Variants in DIAPH3 observed in about 807,000 individuals in gnomAD.
The protein encoded by DIAPH3 is diaphanous related formin 3, also known as protein diaphanous homolog 3.
A neutral mutation model predicts 144.3 loss-of-function variants in DIAPH3; 117 were observed. The ratio of observed to expected loss-of-function variants is 0.81; its 90% confidence interval spans 0.70 to 0.95. DIAPH3 has a LOEUF of 0.95. Ranked by LOEUF, DIAPH3 falls within the 40% of genes least tolerant of loss-of-function variation. The pLI is 0.00. For missense variants in DIAPH3, 1,421 were observed against 1,412.7 expected, an observed-to-expected ratio of 1.01 and a Z score of -0.09; for synonymous variants, 519 against 488.9, an observed-to-expected ratio of 1.06 and a Z score of -0.81.
At chr13:60,096,638 A>T (rs886880865) in intron 3 of DIAPH3, among the ~76,000 whole-genome samples, 8 of 152,220 alleles carry the variant, frequency 5.3e-5, no homozygotes, top group African/African-American at 1.9e-4. Context: ...GGCACCATCT[A>T]ATCAGCTGAA....
intron 27 of DIAPH3, among the ~76,000 whole-genome samples, chr13:59,744,135 T>G (rs897304122): frequency 6.6e-6 from 1 of 152,210 alleles, no homozygotes; most frequent in Non-Finnish European, 1.5e-5. Flanking sequence ...ATTTTCTGCA[T>G]GTATATAACT....
chr13:59,890,680 A>G (rs545859349), intron 20 of DIAPH3, among the ~76,000 whole-genome samples: 6 of 151,908 alleles, frequency 3.9e-5, no homozygotes, highest in African/African-American at 1.4e-4. Flanking sequence ...CTCCACATAT[A>G]TACATATATG....
At chr13:59,825,059 T>C (rs2041306437) in intron 24 of DIAPH3, among the ~76,000 whole-genome samples, 1 of 152,010 alleles carries the variant, frequency 6.6e-6, no homozygotes, top group Non-Finnish European at 1.5e-5. Context: ...TATTATACTT[T>C]AAGTTTTAGG....
rs1481816065 is a variant in DIAPH3, at chr13:59,810,888, T to G, written c.3063A>C (p.Ala1021=). The G allele has an allele frequency of 6.2e-7, 1 of 1,607,262 alleles. No individual in the cohort carries two copies. The highest frequency in any genetic ancestry group is 1.7e-5 in the Admixed American group (1 of 58,828). ...AIKENIKKRE[A]EEKEKRVRIA... ...TTCTGACACGTTTTTCTTTTTCCTCTGCTTCTCTTTTTTTGATATTCTCCT... is the reference window on the plus strand; with the variant it reads ...TTCTGACACGTTTTTCTTTTTCCTCGGCTTCTCTTTTTTTGATATTCTCCT... The change falls in exon 25 of 28, where the codon GCA becomes GCC. Residue 1021 remains alanine (A), a synonymous_variant. Transcript: ENST00000400324.
intron 17 of DIAPH3, among the ~76,000 whole-genome samples, chr13:59,925,093 G>A (rs1256678615): frequency 6.6e-6 from 1 of 152,018 alleles, no homozygotes; most frequent in East Asian, 1.9e-4. Flanking sequence ...ATATTTGAAG[G>A]TCTAACAGGA....
chr13:59,996,708 T>C (rs2052214134), intron 9 of DIAPH3, among the ~76,000 whole-genome samples: 1 of 151,922 alleles, frequency 6.6e-6, no homozygotes, highest in South Asian at 2.1e-4. Flanking sequence ...AAGCTGTAAA[T>C]AGAAATCTCA....
At chr13:59,865,094 T>A (rs2043838404) in intron 21 of DIAPH3, among the ~76,000 whole-genome samples, 1 of 151,898 alleles carries the variant, frequency 6.6e-6, no homozygotes, top group South Asian at 2.1e-4. Context: ...TCTAGAAAAA[T>A]TTCACAATGC....
chr13:60,119,532 G>T (rs894832293), intron 2 of DIAPH3, among the ~76,000 whole-genome samples: 1 of 151,818 alleles, frequency 6.6e-6, no homozygotes, highest in Non-Finnish European at 1.5e-5. Flanking sequence ...TGGATCACGA[G>T]GTCAGGAGAT....
intron 22 of DIAPH3, among the ~76,000 whole-genome samples, chr13:59,860,516 A>ATCAGGAGG (rs1357120110): frequency 6.6e-6 from 1 of 152,158 alleles, no homozygotes; most frequent in Non-Finnish European, 1.5e-5. Context: ...AGGCAGGCGG[A>ATCAGGAGG]TCAGGAGGTC....
chr13:60,133,691 T>C (rs1366690913), intron 1 of DIAPH3, among the ~76,000 whole-genome samples: 2 of 152,052 alleles, frequency 1.3e-5, no homozygotes, highest in South Asian at 2.1e-4. Flanking sequence ...AAAATACAAT[T>C]CAAAAGAAAA....
intron 22 of DIAPH3, among the ~76,000 whole-genome samples, chr13:59,854,651 G>A (rs2043162493): frequency 6.6e-6 from 1 of 152,106 alleles, no homozygotes; most frequent in Admixed American, 6.6e-5. Flanking sequence ...AAACTAAGGT[G>A]CAGTAAATAT....
In DIAPH3 at chr13:60,101,118, C is replaced by A. The variant is rs1480062748; in HGVS notation, c.391-7386G>T. Among the ~76,000 whole-genome samples the A allele has an allele frequency of 2.6e-5, 4 of 152,198 alleles. 1 individual carries two copies. Among genetic ancestry groups the A allele is most frequent in the African/African-American group, 7.2e-5 (3 of 41,454 alleles). ...ACTATGGTCAAATTCTTGAGCCAGG[C>A]ACTGTGCTAAACATTCATAAGCATT... On this transcript the variant is annotated intron_variant, in intron 3 of 27. Transcript: ENST00000400324.
intron 20 of DIAPH3, among the ~76,000 whole-genome samples, chr13:59,884,082 T>A (rs559518107): frequency 6.6e-6 from 1 of 152,302 alleles, no homozygotes; most frequent in African/African-American, 2.4e-5. Context: ...AGCTGCTCCC[T>A]ATTGCTTGCA....
chr13:59,794,637 G>A (rs568609395), intron 25 of DIAPH3, among the ~76,000 whole-genome samples: 11 of 152,008 alleles, frequency 7.2e-5, no homozygotes, highest in African/African-American at 2.2e-4. Context: ...GTTCTGATGC[G>A]AATTTTGATC....
intron 17 of DIAPH3, among the ~76,000 whole-genome samples, chr13:59,941,020 C>A (rs930899943): frequency 6.6e-6 from 1 of 152,156 alleles, no homozygotes; most frequent in African/African-American, 2.4e-5. Context: ...ATTTCAGGAT[C>A]AATGGCATTT....
At position 59,751,518 on chromosome 13, in the gene DIAPH3, T is replaced by C. The variant is rs568750222; in HGVS notation, c.3319+22671A>G. Among the ~76,000 whole-genome samples the C allele has an allele frequency of 3.3e-5, 5 of 152,336 alleles. No individual in the cohort carries two copies. In the East Asian group the frequency reaches 7.7e-4, roughly 23 times the overall value. ...TTACTTTCATTGCTACGAGTGTTAT[T>C]TACAAATCCATTTTTTCTTCAATCA... is the stretch of plus-strand genomic sequence containing the variant. On this transcript the variant is annotated intron_variant, in intron 27 of 27. Coordinates refer to ENST00000400324, the MANE Select transcript of DIAPH3 (RefSeq NM_001042517.2).
Position 59,853,450 on chromosome 13 carries a change from T to C in DIAPH3, c.2737+7957A>G, listed in dbSNP as rs547189445. On this transcript the variant is annotated intron_variant, in intron 22 of 27. Coordinates refer to ENST00000400324, the MANE Select transcript of DIAPH3 (RefSeq NM_001042517.2). ...AGTTTTCCTCTTGCTGTTCTCATGA[T>C]AGTGAGTGAGTTTTCACGAGATCTG... Among the ~76,000 whole-genome samples, 5 of 152,250 alleles carry C rather than the reference T, an allele frequency of 3.3e-5. No homozygotes were observed. The South Asian group carries it at 6.2e-4, about 19-fold the overall frequency.
chr13:59,934,394 C>A (rs1287296714), intron 17 of DIAPH3, among the ~76,000 whole-genome samples: 1 of 151,930 alleles, frequency 6.6e-6, no homozygotes, highest in African/African-American at 2.4e-5. Flanking sequence ...ATAAGTATAT[C>A]TGAATAAATA....
chr13:59,852,403 A>T (rs1002697268), intron 22 of DIAPH3, among the ~76,000 whole-genome samples: 6 of 152,224 alleles, frequency 3.9e-5, no homozygotes, highest in Non-Finnish European at 7.3e-5. Flanking sequence ...TTTCTTTTTT[A>T]AATTCATGCA....
Sources: gnomAD v4.1 joint callset for allele counts (sites outside exome capture counted in the v4.1 genomes callset) on GRCh38, gnomAD v4.1.1 for gene constraint, MANE v1.5 for transcripts, NCBI Gene and HGNC (gene_info 2026-07-23, HGNC 2026-07-21) for gene names.